The following DENND2B variants were observed in gnomAD, a reference collection of about 807,000 sequenced individuals.
DENND2B encodes DENN domain containing 2B.
A neutral mutation model predicts 116.0 loss-of-function variants in DENND2B; 32 were observed. That is an observed-to-expected ratio of 0.28 (90% CI 0.21 to 0.37). The LOEUF is 0.37. Among genes scored for constraint, DENND2B ranks in the 10% least tolerant of loss-of-function variants. The pLI is 1.00. For missense variants in DENND2B, 1,276 were observed against 1,477.7 expected, an observed-to-expected ratio of 0.86 and a Z score of 2.24; for synonymous variants, 588 against 583.9, an observed-to-expected ratio of 1.01 and a Z score of -0.10.
chr11:8,850,637 T>C (rs899620104), intron 3 of DENND2B, among the ~76,000 whole-genome samples: 4 of 152,138 alleles, frequency 2.6e-5, no homozygotes, highest in African/African-American at 9.7e-5. Flanking sequence ...AAATTAAAAA[T>C]AGAACTATCA....
At chr11:8,727,570 G>A (rs1020489059) in intron 3 of DENND2B, among the ~76,000 whole-genome samples, 9 of 152,022 alleles carry the variant, frequency 5.9e-5, no homozygotes, top group African/African-American at 1.9e-4. Context: ...CACTTTCTAG[G>A]GACCAAATAT....
rs751076617 is a variant in DENND2B at position 8,730,846 on chromosome 11, C to T, written c.444G>A (p.Arg148=). Residue 148 remains arginine, a synonymous_variant, in exon 3 of 20, where the codon CGG becomes CGA. Coordinates refer to ENST00000313726, the MANE Select transcript of DENND2B (RefSeq NM_213618.2). The surrounding 1 kb of genome is among the most constrained non-coding windows in gnomAD (Gnocchi z 4.1). Reference sequence around the variant, plus strand: ...TACCGGTACGGGTCAGCAAGACGCCCCGGGGGCCAGCTGCTGGCCCCGGGA... The same window carrying T: ...TACCGGTACGGGTCAGCAAGACGCCTCGGGGGCCAGCTGCTGGCCCCGGGA... ...TPFPGPAAGP[R]GVLLTRTGTR... is the part of the protein sequence containing the mutation. 2 of 1,613,334 alleles carry T rather than the reference C, an allele frequency of 1.2e-6. No homozygotes were observed. Among genetic ancestry groups the T allele is most frequent in the South Asian group, 2.2e-5 (2 of 91,078 alleles).
At chr11:8,718,621 C>T in intron 4 of DENND2B, 1 of 1,333,666 alleles carries the variant, frequency 7.5e-7, no homozygotes, top group South Asian at 2.1e-5. Flanking sequence ...CCTTTTGGAA[C>T]AAACTCTCCT....
chr11:8,847,497 TGAAA>T (rs756300471), intron 3 of DENND2B, among the ~76,000 whole-genome samples: 9 of 152,060 alleles, frequency 5.9e-5, no homozygotes, highest in African/African-American at 1.7e-4. Context: ...TTTGAAACTA[TGAAA>T]GAAAGATCAG....
At chr11:8,780,049 CAGG>C (rs1243020173) in intron 1 of DENND2B, among the ~76,000 whole-genome samples, 3 of 152,190 alleles carry the variant, frequency 2.0e-5, no homozygotes, top group African/African-American at 7.2e-5. Context: ...CTCGCTAGAG[CAGG>C]AGAAGGGGGG....
intron 3 of DENND2B, 43 bp downstream of exon 3, chr11:8,729,907 G>T: frequency 3.1e-6 from 5 of 1,596,176 alleles, no homozygotes; most frequent in Non-Finnish European, 4.3e-6. Flanking sequence ...TTAAAAGAAA[G>T]CCACGGTATT....
chr11:8,794,411 G>T (rs900553662), intron 1 of DENND2B, among the ~76,000 whole-genome samples: 1 of 152,218 alleles, frequency 6.6e-6, no homozygotes, highest in African/African-American at 2.4e-5. Context: ...CCACCCCGGG[G>T]ACAGCACTGA....
At chr11:8,793,945 ATCTT>A (rs2059599238) in intron 1 of DENND2B, among the ~76,000 whole-genome samples, 2 of 152,206 alleles carry the variant, frequency 1.3e-5, no homozygotes, top group African/African-American at 4.8e-5. Context: ...CATTTAAAGA[ATCTT>A]TATGGCTCAA....
chr11:8,908,853 A>G (rs1024450611), intron 1 of DENND2B, among the ~76,000 whole-genome samples: 11 of 152,112 alleles, frequency 7.2e-5, no homozygotes, highest in Non-Finnish European at 1.5e-4. Flanking sequence ...TGTTCTCCAC[A>G]ACTCCTAGGG....
At chr11:8,807,117 G>A (rs2060933876) in intron 1 of DENND2B, among the ~76,000 whole-genome samples, 1 of 152,146 alleles carries the variant, frequency 6.6e-6, no homozygotes, top group African/African-American at 2.4e-5. Flanking sequence ...CTGCTGCCAG[G>A]CCTCCTCCAG....
At chr11:8,830,341 A>G (rs534028388) in intron 4 of DENND2B, among the ~76,000 whole-genome samples, 3 of 152,162 alleles carry the variant, frequency 2.0e-5, no homozygotes, top group Non-Finnish European at 2.9e-5. Context: ...CTCCAAGGAA[A>G]GTTTTCTGTG....
At chr11:8,846,226 G>C (rs369045344) in intron 3 of DENND2B, among the ~76,000 whole-genome samples, 67 of 152,308 alleles carry the variant, frequency 4.4e-4, no homozygotes, top group African/African-American at 8.4e-4. Flanking sequence ...AAAGGGAGAG[G>C]GGACAGTGTC....
At position 8,730,526 on chromosome 11, in the gene DENND2B, C is replaced by T. The variant is rs764376826; in HGVS notation, c.764G>A (p.Arg255Gln). 12 of 1,613,000 alleles carry T rather than the reference C, an allele frequency of 7.4e-6. No individual in the cohort carries two copies. The highest frequency in any genetic ancestry group is 2.2e-5 in the East Asian group (1 of 44,870). ...EALPVRDSFY[R>Q]LEKRLGRSEP... The stretch of plus-strand genomic sequence containing the variant: ...ACTCCGGCCCAGCCGTTTCTCCAGC[C>T]GGTAGAAAGAGTCCCGGACAGGGAG... Residue 255 changes from arginine to glutamine, a missense_variant, in exon 3 of 20, where the codon CGG becomes CAG. Arg to Gln is a conservative substitution (Grantham distance 43). Around this residue, in one of 2 missense-constraint regions of DENND2B, gnomAD observed 856 missense variants for 846.6 expected, o/e 1.01. Coordinates refer to ENST00000313726, the MANE Select transcript of DENND2B (RefSeq NM_213618.2). The surrounding 1 kb of genome is among the most constrained non-coding windows in gnomAD (Gnocchi z 4.1).
Position 8,790,810 on chromosome 11 carries a change from G to C in DENND2B, c.-26+19707C>G, listed in dbSNP as rs2134328246. 2.0e-5 allele frequency among the ~76,000 whole-genome samples: 3 copies of C among 152,230 alleles called. No homozygotes were observed. The Middle Eastern group carries it at 0.01, about 521-fold the overall frequency. On this transcript the variant is annotated intron_variant, in intron 1 of 19. Transcript: ENST00000313726. ...TCTGTTTAAGCCCCTGGCTGATGGAGCAGAAATGATGCTCGCTAAATCCTG... is the reference window on the plus strand; with the variant it reads ...TCTGTTTAAGCCCCTGGCTGATGGACCAGAAATGATGCTCGCTAAATCCTG...
chr11:8,803,299 C>A (rs926032034), intron 1 of DENND2B, among the ~76,000 whole-genome samples: 7 of 152,136 alleles, frequency 4.6e-5, no homozygotes, highest in African/African-American at 1.7e-4. Flanking sequence ...GCAGGAGAAT[C>A]GCTAGAACCC....
In DENND2B at chr11:8,766,603, C is replaced by T. The variant is rs997900327; in HGVS notation, c.-25-15878G>A. ...CAGACCATCCACTGAAAGGCCAACTCAGGCTTTCTGGGTGAAGATCTGCAC... is the reference window on the plus strand; with the variant it reads ...CAGACCATCCACTGAAAGGCCAACTTAGGCTTTCTGGGTGAAGATCTGCAC... On this transcript the variant is annotated intron_variant, in intron 1 of 19. Transcript: ENST00000313726. 5 of 1,288,500 alleles carry T rather than the reference C, an allele frequency of 3.9e-6. No homozygotes were observed. In the African/African-American group the frequency reaches 7.6e-5, roughly 20 times the overall value. 79.8% of individuals were successfully genotyped at this position (1,288,500 alleles called of 1,614,324 possible).
chr11:8,852,611 C>T (rs374596481), intron 3 of DENND2B, among the ~76,000 whole-genome samples: 1 of 152,158 alleles, frequency 6.6e-6, no homozygotes, highest in Non-Finnish European at 1.5e-5. Context: ...ACATCTTGAT[C>T]GGAGTGGTAG....
At chr11:8,814,703 A>G (rs564462180), upstream of DENND2B, among the ~76,000 whole-genome samples, 5 of 152,330 alleles carry the variant, frequency 3.3e-5, no homozygotes, top group African/African-American at 1.2e-4. Context: ...TTCCCTCAGA[A>G]GAGTTCCTTA....
At chr11:8,859,340 C>T (rs1159851628) in intron 2 of DENND2B, among the ~76,000 whole-genome samples, 1 of 152,102 alleles carries the variant, frequency 6.6e-6, no homozygotes, top group Non-Finnish European at 1.5e-5. Context: ...CAGAGTCTCC[C>T]TCTCTCGCCC....
Sources: gnomAD v4.1 joint callset for allele counts (sites outside exome capture counted in the v4.1 genomes callset) on GRCh38, gnomAD v4.1.1 for gene constraint, gnomAD v4.1.1 regional missense constraint, Gnocchi (gnomAD v3.1) non-coding constraint, MANE v1.5 for transcripts, NCBI Gene and HGNC (gene_info 2026-07-23, HGNC 2026-07-21) for gene names.